Variants in THSD7B observed in about 807,000 individuals in gnomAD.
THSD7B encodes the protein thrombospondin type 1 domain containing 7B.
Under a neutral mutation model 213.6 loss-of-function variants are expected in THSD7B, and 138 were observed. The ratio of observed to expected loss-of-function variants is 0.65; its 90% confidence interval spans 0.56 to 0.74. The LOEUF is 0.74. Among genes scored for constraint, THSD7B ranks in the 30% least tolerant of loss-of-function variants. The pLI, the probability that THSD7B is intolerant of heterozygous loss-of-function variation, is 0.00. For synonymous variants in THSD7B, 742 were observed against 687.0 expected, an observed-to-expected ratio of 1.08 and a Z score of -1.25; for missense variants, 1,931 against 1,991.5, an observed-to-expected ratio of 0.97 and a Z score of 0.58.
At chr2:137,084,683 T>A in intron 3 of THSD7B, among the ~76,000 whole-genome samples, 1 of 152,166 alleles carries the variant, frequency 6.6e-6, no homozygotes, top group East Asian at 1.9e-4. Flanking sequence ...AGCCACATAT[T>A]CTAGATGGTG....
At chr2:137,588,637 C>T (rs1179084282) in intron 17 of THSD7B, among the ~76,000 whole-genome samples, 5 of 151,736 alleles carry the variant, frequency 3.3e-5, no homozygotes, top group Non-Finnish European at 7.4e-5. Flanking sequence ...ATTTTTTTAG[C>T]TCATATAGTC....
chr2:137,164,963 T>G (rs745428565), intron 6 of THSD7B, among the ~76,000 whole-genome samples: 1 of 152,062 alleles, frequency 6.6e-6, no homozygotes. Context: ...CACCAACATG[T>G]CACATGTATA....
chr2:136,868,816 G>A (rs886155991), intron 1 of THSD7B, among the ~76,000 whole-genome samples: 8 of 152,148 alleles, frequency 5.3e-5, no homozygotes, highest in South Asian at 4.1e-4. Context: ...GGTGAAAAGA[G>A]GTTATCACAT....
At chr2:137,495,256 A>G (rs774604759) in intron 15 of THSD7B, among the ~76,000 whole-genome samples, 20 of 152,268 alleles carry the variant, frequency 1.3e-4, no homozygotes, top group South Asian at 4.1e-4. Context: ...GGCAGGTTTA[A>G]TATTTCCTAT....
chr2:137,631,386 T>G, intron 20 of THSD7B, among the ~76,000 whole-genome samples: 1 of 152,322 alleles, frequency 6.6e-6, no homozygotes, highest in Non-Finnish European at 1.5e-5. Flanking sequence ...AGAATGTTAT[T>G]AAATCCAGAC....
chr2:136,777,505 T>G (rs1681633325), intron 1 of THSD7B, among the ~76,000 whole-genome samples: 1 of 152,158 alleles, frequency 6.6e-6, no homozygotes, highest in Non-Finnish European at 1.5e-5. Flanking sequence ...TTCCCAGTTG[T>G]CAAATCCAAA....
intron 2 of THSD7B, among the ~76,000 whole-genome samples, chr2:136,932,777 C>T (rs922461088): frequency 2.0e-5 from 3 of 151,968 alleles, no homozygotes; most frequent in Non-Finnish European, 1.5e-5. Flanking sequence ...CACATATAAG[C>T]GGACCTGTGC....
chr2:137,198,893 T>G (rs1680820044), intron 7 of THSD7B, among the ~76,000 whole-genome samples: 1 of 152,206 alleles, frequency 6.6e-6, no homozygotes, highest in African/African-American at 2.4e-5. Context: ...ATTTGAGTAT[T>G]ATGATGCCTT....
chr2:137,660,799 T>C (rs912144417), intron 25 of THSD7B, among the ~76,000 whole-genome samples: 3 of 152,232 alleles, frequency 2.0e-5, no homozygotes, highest in Non-Finnish European at 4.4e-5. Context: ...AGATATCATT[T>C]TGTGATACTT....
intron 5 of THSD7B, among the ~76,000 whole-genome samples, chr2:137,133,613 C>G (rs1411551083): frequency 3.3e-5 from 5 of 152,032 alleles, no homozygotes; most frequent in Non-Finnish European, 7.4e-5. Flanking sequence ...ACATTTTGAG[C>G]AGCACTGTCC....
At chr2:137,564,572 C>T (rs981589332) in intron 16 of THSD7B, among the ~76,000 whole-genome samples, 2 of 152,058 alleles carry the variant, frequency 1.3e-5, no homozygotes, top group Non-Finnish European at 2.9e-5. Context: ...TTTTGAAAAA[C>T]GATTGACCAA....
At chr2:137,523,716 T>C (rs1018219491) in intron 15 of THSD7B, among the ~76,000 whole-genome samples, 1 of 152,232 alleles carries the variant, frequency 6.6e-6, no homozygotes, top group Non-Finnish European at 1.5e-5. Flanking sequence ...GGGTCTGAGC[T>C]GGTCATGGTT....
intron 15 of THSD7B, among the ~76,000 whole-genome samples, chr2:137,545,240 C>T (rs909578874): frequency 2.0e-5 from 3 of 151,768 alleles, no homozygotes; most frequent in Admixed American, 2.0e-4. Flanking sequence ...AGTGAATTCT[C>T]TTAAAGTTTC....
chr2:137,641,697 G>A (rs1403908681), intron 20 of THSD7B, among the ~76,000 whole-genome samples: 4 of 152,148 alleles, frequency 2.6e-5, no homozygotes, highest in South Asian at 4.1e-4. Flanking sequence ...CTAGGAGGGG[G>A]CAGAAGATGA....
intron 7 of THSD7B, among the ~76,000 whole-genome samples, chr2:137,229,699 C>T (rs1383434481): frequency 4.6e-5 from 7 of 152,164 alleles, no homozygotes; most frequent in Middle Eastern, 3.4e-3. Context: ...TCAGAGGGTT[C>T]GGATTTGCTC....
At chr2:136,954,714 CA>C (rs11378111) in intron 2 of THSD7B, among the ~76,000 whole-genome samples, 2,987 of 89,338 alleles carry the variant, frequency 0.033, 30 homozygotes, top group South Asian at 0.062. Flanking sequence ...GACTCTGTCT[CA>C]AAAAAAAAAA....
chr2:137,400,264 T>G (rs1686320888), intron 12 of THSD7B, among the ~76,000 whole-genome samples: 1 of 152,194 alleles, frequency 6.6e-6, no homozygotes, highest in Non-Finnish European at 1.5e-5. Flanking sequence ...GGAGGATTAC[T>G]ATGTTTCTTT....
intron 15 of THSD7B, among the ~76,000 whole-genome samples, chr2:137,467,833 T>G (rs555391831): frequency 6.6e-6 from 1 of 152,248 alleles, no homozygotes; most frequent in East Asian, 1.9e-4. Context: ...CTATTTTCTG[T>G]AAACAACCTT....
intron 10 of THSD7B, 117 bp downstream of exon 10, chr2:137,242,689 C>T (rs1681940218): frequency 5.9e-6 from 4 of 680,070 alleles, no homozygotes; most frequent in African/African-American, 3.7e-5. Flanking sequence ...TTGCCTATCA[C>T]CCTGGAAACA....
Sources: gnomAD v4.1 joint callset for allele counts (sites outside exome capture counted in the v4.1 genomes callset) on GRCh38, gnomAD v4.1.1 for gene constraint, MANE v1.5 for transcripts, NCBI Gene and HGNC (gene_info 2026-07-23, HGNC 2026-07-21) for gene names.